CCDC181: variants seen among roughly 807,000 people sequenced by gnomAD.
CCDC181 encodes coiled-coil domain containing 181.
In CCDC181, 35 loss-of-function variants were observed where a neutral mutation model predicts 58.7. That is an observed-to-expected ratio of 0.60 (90% CI 0.46 to 0.79). The LOEUF (loss-of-function observed/expected upper bound fraction) is 0.79, where lower values mean the gene tolerates loss of function less well. Among genes scored for constraint, CCDC181 ranks in the 30% least tolerant of loss-of-function variants. The pLI, the probability that CCDC181 is intolerant of heterozygous loss-of-function variation, is 0.00. For synonymous variants in CCDC181, 183 were observed against 197.5 expected (o/e 0.93, Z 0.62); for missense variants, 517 against 583.9 (o/e 0.89, Z 1.18).
intron 4 of CCDC181, among the ~76,000 whole-genome samples, chr1:169,410,996 C>A (rs1325169010): frequency 6.6e-6 from 1 of 152,012 alleles, no homozygotes; most frequent in Non-Finnish European, 1.5e-5. Flanking sequence ...GAAGCAAGAG[C>A]AAACACATTC....
intron 2 of CCDC181, among the ~76,000 whole-genome samples, chr1:169,459,170 A>G (rs1388568975): frequency 1.3e-5 from 2 of 152,218 alleles, no homozygotes; most frequent in Non-Finnish European, 2.9e-5. Flanking sequence ...GAACCAGAAT[A>G]TTTGCCAAAC....
intron 2 of CCDC181, 118 bp from the exon 3 acceptor site, chr1:169,422,431 A>AT (rs759434733): frequency 6.4e-4 from 433 of 671,850 alleles, no homozygotes; most frequent in Non-Finnish European, 9.2e-4. Flanking sequence ...TTAAGTGTTT[A>AT]TTGCTCATAA....
chr1:169,459,126 G>A (rs1657763853), intron 2 of CCDC181, among the ~76,000 whole-genome samples: 1 of 152,024 alleles, frequency 6.6e-6, no homozygotes, highest in Non-Finnish European at 1.5e-5. Context: ...AACACATAAT[G>A]CTTTTAAAAC....
At chr1:169,437,833 C>A (rs1018028274) in intron 2 of CCDC181, among the ~76,000 whole-genome samples, 1 of 152,152 alleles carries the variant, frequency 6.6e-6, no homozygotes, top group East Asian at 1.9e-4. Context: ...ATACTGAGTA[C>A]TAGGGTAAGT....
At chr1:169,442,712 G>A (rs909788423) in intron 2 of CCDC181, 1 of 152,092 alleles carries the variant, frequency 6.6e-6, no homozygotes, top group Admixed American at 6.5e-5. Context: ...AACTGATCAT[G>A]TGAGAAATAT....
intron 4 of CCDC181, among the ~76,000 whole-genome samples, chr1:169,418,010 T>G (rs1189982379): frequency 6.6e-6 from 1 of 152,184 alleles, no homozygotes; most frequent in Non-Finnish European, 1.5e-5. Flanking sequence ...TCATTCACTC[T>G]CACACACCGT....
At chr1:169,418,471 G>A (rs1656310348) in intron 4 of CCDC181, among the ~76,000 whole-genome samples, 1 of 151,646 alleles carries the variant, frequency 6.6e-6, no homozygotes, top group Non-Finnish European at 1.5e-5. Context: ...GCCTGGAGGA[G>A]CTTAGGGTTA....
At chr1:169,416,385 T>C (rs2102078051) in intron 4 of CCDC181, among the ~76,000 whole-genome samples, 1 of 152,264 alleles carries the variant, frequency 6.6e-6, no homozygotes, top group South Asian at 2.1e-4. Context: ...TATGTTTTTT[T>C]CCGATAGGAG....
chr1:169,406,793 GA>G (rs1182295740), intron 4 of CCDC181, among the ~76,000 whole-genome samples: 1 of 146,432 alleles, frequency 6.8e-6, no homozygotes, highest in Non-Finnish European at 1.5e-5. Context: ...TAATAAAAAA[GA>G]AAAGAAAAAA....
chr1:169,425,977 A>G (rs1159671805), intron 1 of CCDC181, among the ~76,000 whole-genome samples: 1 of 152,128 alleles, frequency 6.6e-6, no homozygotes, highest in Non-Finnish European at 1.5e-5. Flanking sequence ...GAAAACATAA[A>G]ATCTGTATAA....
Position 169,421,953 on chromosome 1 carries a change from C to G in CCDC181, c.478G>C (p.Asp160His). 3.1e-6 allele frequency: 5 copies of G among 1,614,028 alleles called. No individual in the cohort carries two copies. The highest frequency in any genetic ancestry group is 4.2e-6 in the Non-Finnish European group (5 of 1,179,966). ...RKLKFKDQLV[D>H]LEVPPLEDTT... is the part of the protein sequence containing the mutation. ...TCTTCTAGTGGAGGAACTTCCAAAT[C>G]AACTAACTGGTCCTTGAACTTAAGT... The change falls in exon 3 of 6, where the codon GAT (aspartate) becomes CAT (histidine). Residue 160 changes from aspartate to histidine, a missense_variant. Asp to His is a moderately conservative substitution (Grantham distance 81, BLOSUM62 -1). Coordinates refer to ENST00000367806, the MANE Select transcript of CCDC181 (RefSeq NM_001300969.2).
chr1:169,423,971 T>C (rs1656606924), intron 2 of CCDC181, among the ~76,000 whole-genome samples: 1 of 151,974 alleles, frequency 6.6e-6, no homozygotes, highest in African/African-American at 2.4e-5. Context: ...CTGCATTTCC[T>C]CATAGTCTTT....
intron 4 of CCDC181, among the ~76,000 whole-genome samples, chr1:169,417,855 TA>T (rs1160652387): frequency 1.3e-5 from 2 of 152,080 alleles, no homozygotes; most frequent in Non-Finnish European, 1.5e-5. Context: ...CTCAAGAAAT[TA>T]AAAAGGTTTT....
At chr1:169,458,145 C>T (rs1657727787) in intron 2 of CCDC181, among the ~76,000 whole-genome samples, 1 of 149,998 alleles carries the variant, frequency 6.7e-6, no homozygotes, top group South Asian at 2.1e-4. Flanking sequence ...AGTGCTGCTC[C>T]AACCAAAGGC....
At chr1:169,421,022 C>T (rs1053046901) in intron 3 of CCDC181, among the ~76,000 whole-genome samples, 2 of 152,160 alleles carry the variant, frequency 1.3e-5, no homozygotes, top group Non-Finnish European at 2.9e-5. Context: ...ATTTTTCCAT[C>T]TGACATTTTA....
Position 169,423,686 on chromosome 1 carries a change from A to G in CCDC181, c.117+1125T>C, listed in dbSNP as rs749126271. ...GTTGAATTAGAAAATAAAACAATAA[A>G]TCATCCCTATTACCTCTCTAATTCT... On this transcript the variant is annotated intron_variant, in intron 2 of 5. Transcript: ENST00000367806. Among the ~76,000 whole-genome samples, 77 of 151,992 alleles carry G rather than the reference A, an allele frequency of 5.1e-4. 2 individuals are homozygous for G. The highest frequency in any genetic ancestry group is 2.1e-4 in the Non-Finnish European group (14 of 67,882).
At position 169,421,410 on chromosome 1, in the gene CCDC181, C is replaced by CT; in HGVS notation, c.1020dup (p.Glu341ArgfsTer33). The CT allele has an allele frequency of 6.2e-7, 1 of 1,612,676 alleles. No individual in the cohort carries two copies. The highest frequency in any genetic ancestry group is 8.5e-7 in the Non-Finnish European group (1 of 1,179,622). Reference sequence around the variant, plus strand: ...TTTTCTTCTAGTTGTTTTTGTAGTTCTTTCTGTCGAGGGGAAAGACAGTAT... The same window carrying CT: ...TTTTCTTCTAGTTGTTTTTGTAGTTCTTTTCTGTCGAGGGGAAAGACAGTAT... On this transcript the variant is annotated frameshift_variant, in exon 3 of 6. Coordinates refer to ENST00000367806, the MANE Select transcript of CCDC181 (RefSeq NM_001300969.2). LOFTEE classifies it high-confidence loss of function.
chr1:169,421,342 A>G (rs1369583500), intron 3 of CCDC181, 21 bp downstream of exon 3: 1 of 1,534,812 alleles, frequency 6.5e-7, no homozygotes, highest in African/African-American at 1.4e-5. Context: ...CTTTTAATAT[A>G]ATGCCCACTT....
intron 2 of CCDC181, among the ~76,000 whole-genome samples, chr1:169,453,944 G>A (rs1163947178): frequency 2.0e-5 from 3 of 151,844 alleles, no homozygotes; most frequent in African/African-American, 4.8e-5. Flanking sequence ...TTTTCAAAGG[G>A]ACACCAGATA....
Sources: gnomAD v4.1 joint callset for allele counts (sites outside exome capture counted in the v4.1 genomes callset) on GRCh38, gnomAD v4.1.1 for gene constraint, MANE v1.5 for transcripts, NCBI Gene and HGNC (gene_info 2026-07-23, HGNC 2026-07-21) for gene names.